Variants in SMCHD1 observed in about 807,000 individuals in gnomAD.
The protein encoded by SMCHD1 is structural maintenance of chromosomes flexible hinge domain containing 1, also known as structural maintenance of chromosomes flexible hinge domain-containing protein 1.
A neutral mutation model predicts 254.7 loss-of-function variants in SMCHD1; 78 were observed. That is an observed-to-expected ratio of 0.31 (90% CI 0.26 to 0.37). The LOEUF is 0.37. SMCHD1 is among the 10% of genes least tolerant of loss of function. The pLI is 1.00. For synonymous variants in SMCHD1, 766 were observed against 794.9 expected, an observed-to-expected ratio of 0.96 and a Z score of 0.61; for missense variants, 1,840 against 2,408.1, an observed-to-expected ratio of 0.76 and a Z score of 4.94.
At chr18:2,783,675 C>T (rs1383040965) in intron 44 of SMCHD1, among the ~76,000 whole-genome samples, 6 of 151,840 alleles carry the variant, frequency 4.0e-5, no homozygotes, top group Admixed American at 6.6e-5. Context: ...TGGATTCAAG[C>T]GATTCTCCTG....
chr18:2,740,706 T>C lies in SMCHD1; in HGVS notation c.3518T>C (p.Ile1173Thr), dbSNP rs375000561. ...MGQELQGEVV[I>T]IITDQYGNQI... ...ATAAAACTTCCCCCTTTTTTAGTTA[T>C]AATAATTACAGATCAGTACGGAAAT... The change falls in exon 28 of 48, where the codon ATA becomes ACA. Residue 1173 changes from isoleucine to threonine, a missense_variant. This residue lies in a region of SMCHD1 where 881 missense variants were observed against 1,009.5 expected (regional missense o/e 0.87). Coordinates refer to ENST00000320876, the MANE Select transcript of SMCHD1 (RefSeq NM_015295.3). The C allele has an allele frequency of 6.5e-7, 1 of 1,547,268 alleles. No homozygotes were observed. The highest frequency in any genetic ancestry group is 8.8e-7 in the Non-Finnish European group (1 of 1,132,702).
At chr18:2,675,699 A>T (rs544176790) in intron 5 of SMCHD1, among the ~76,000 whole-genome samples, 1 of 152,184 alleles carries the variant, frequency 6.6e-6, no homozygotes, top group Non-Finnish European at 1.5e-5. Context: ...TCACAGAAGT[A>T]TTAGGTGGAA....
chr18:2,743,428 A>C (rs1405367474), intron 28 of SMCHD1, among the ~76,000 whole-genome samples: 3 of 152,210 alleles, frequency 2.0e-5, no homozygotes, highest in Non-Finnish European at 2.9e-5. Flanking sequence ...CTGGTAAATA[A>C]TGTTGCAAAC....
intron 9 of SMCHD1, 75 bp from the exon 10 acceptor site, chr18:2,697,756 G>A (rs2074314956): frequency 1.1e-6 from 1 of 929,560 alleles, no homozygotes. Context: ...TACTTATTCT[G>A]TTGTTGAATC....
intron 26 of SMCHD1, among the ~76,000 whole-genome samples, chr18:2,739,217 T>G (rs767964740): frequency 2.0e-5 from 3 of 152,232 alleles, no homozygotes; most frequent in Non-Finnish European, 4.4e-5. Flanking sequence ...TCTGTAAGTT[T>G]TTGGTCCATA....
At chr18:2,677,810 A>T (rs965538093) in intron 5 of SMCHD1, among the ~76,000 whole-genome samples, 2 of 152,094 alleles carry the variant, frequency 1.3e-5, no homozygotes, top group Non-Finnish European at 2.9e-5. Context: ...ATAGAGGTGG[A>T]GTCTCACTAT....
chr18:2,708,915 T>TATAAC lies in SMCHD1; in HGVS notation c.2260+996_2260+997insTAACA, dbSNP rs1568199419. ...ATATATATATATATATATAACATAT[T>TATAAC]AACATGAAATTTATGAAGTGGCATT... On this transcript the variant is annotated intron_variant, in intron 17 of 47. Transcript: ENST00000320876. 8.9e-3 allele frequency among the ~76,000 whole-genome samples: 808 copies of TATAAC among 90,362 alleles called. 73 individuals carry two copies. The highest frequency in any genetic ancestry group is 0.013 in the South Asian group (31 of 2,322). The allele number at this position is 90,362 out of a possible 152,430, so 59.3% of individuals were successfully genotyped here.
At chr18:2,689,867 A>AG (rs1280903557) in intron 7 of SMCHD1, among the ~76,000 whole-genome samples, 1 of 150,042 alleles carries the variant, frequency 6.7e-6, no homozygotes, top group African/African-American at 2.4e-5. Context: ...AAAAAAAAAA[A>AG]AAAAAAAAAA....
chr18:2,693,500 A>G (rs1043616120), intron 7 of SMCHD1, among the ~76,000 whole-genome samples: 2 of 152,240 alleles, frequency 1.3e-5, no homozygotes, highest in East Asian at 1.9e-4. Flanking sequence ...GAAAAGGTAC[A>G]CTAATTTTAC....
chr18:2,693,739 C>T (rs141708877), intron 7 of SMCHD1, among the ~76,000 whole-genome samples: 152 of 152,264 alleles, frequency 1.0e-3, no homozygotes, highest in African/African-American at 3.4e-3. Context: ...TCAAGCGATT[C>T]TCCTGCCTCA....
At chr18:2,679,244 G>C (rs12709588) in intron 5 of SMCHD1, among the ~76,000 whole-genome samples, 146,582 of 146,586 alleles carry the variant, frequency 1, 73,289 homozygotes, top group Middle Eastern at 1. Flanking sequence ...CTTTGGGAGG[G>C]CGAGGCAGGC....
At chr18:2,731,596 G>T (rs181153043) in intron 24 of SMCHD1, among the ~76,000 whole-genome samples, 1 of 152,252 alleles carries the variant, frequency 6.6e-6, no homozygotes. Flanking sequence ...GTAGCTGTTT[G>T]TCTCTGATTT....
intron 3 of SMCHD1, among the ~76,000 whole-genome samples, chr18:2,671,455 A>G (rs1310584193): frequency 6.6e-6 from 1 of 152,070 alleles, no homozygotes; most frequent in African/African-American, 2.4e-5. Flanking sequence ...ATAAGCAGAA[A>G]ACCCCAGTGT....
At chr18:2,793,899 C>A (rs2076214679) in intron 45 of SMCHD1, among the ~76,000 whole-genome samples, 1 of 152,066 alleles carries the variant, frequency 6.6e-6, no homozygotes, top group African/African-American at 2.4e-5. Context: ...AAACACTACT[C>A]TTGACCCTTA....
intron 25 of SMCHD1, among the ~76,000 whole-genome samples, chr18:2,735,105 T>C (rs1325365753): frequency 6.6e-6 from 1 of 151,566 alleles, no homozygotes; most frequent in South Asian, 2.1e-4. Flanking sequence ...ACAAGTAGGC[T>C]TTATTTTTGA....
Position 2,777,801 on chromosome 18 carries a change from T to C in SMCHD1, c.5367-5T>C. ...AATATCTTTTTAAAATTTCTTTTTA[T>C]TTAGATCTCTACCTCATTTCCGAAA... On this transcript the variant is annotated splice_region_variant and splice_polypyrimidine_tract_variant and intron_variant, in intron 42 of 47. Coordinates refer to ENST00000320876, the MANE Select transcript of SMCHD1 (RefSeq NM_015295.3). 1 of 1,476,848 alleles carries C rather than the reference T, an allele frequency of 6.8e-7. No homozygotes were observed. Among genetic ancestry groups the C allele is most frequent in the African/African-American group, 1.4e-5 (1 of 70,488 alleles). The allele number at this position is 1,476,848 out of a possible 1,614,324, so 91.5% of individuals were successfully genotyped here. A position where few individuals can be genotyped will look rare whatever the true frequency, so the allele number is the denominator to read the frequency against.
chr18:2,796,344 G>A (rs187629513), intron 46 of SMCHD1, 63 bp from the exon 47 acceptor site: 3 of 1,061,888 alleles, frequency 2.8e-6, no homozygotes, highest in Non-Finnish European at 4.1e-6. Flanking sequence ...ATTCATGTTT[G>A]CATTTCTCTA....
chr18:2,794,972 A>G (rs2076232301), intron 45 of SMCHD1, among the ~76,000 whole-genome samples: 1 of 152,220 alleles, frequency 6.6e-6, no homozygotes, highest in Admixed American at 6.5e-5. Flanking sequence ...TAGACAAAGT[A>G]ATTTAAGAAA....
intron 7 of SMCHD1, among the ~76,000 whole-genome samples, chr18:2,693,438 G>T (rs534784823): frequency 6.6e-6 from 1 of 152,162 alleles, no homozygotes; most frequent in Non-Finnish European, 1.5e-5. Context: ...TGTACAGCTT[G>T]TTACCCCAGG....
Sources: allele counts gnomAD v4.1 joint callset (sites outside exome capture counted in the v4.1 genomes callset), GRCh38; gene constraint gnomAD v4.1.1; regional missense constraint gnomAD v4.1.1; transcripts MANE v1.5; gene names NCBI Gene and HGNC (gene_info 2026-07-23, HGNC 2026-07-21).